Variants in LRCH1 observed in about 807,000 individuals in gnomAD.
LRCH1 encodes the protein leucine-rich repeat and calponin homology domain-containing protein 1.
A neutral mutation model predicts 94.9 loss-of-function variants in LRCH1; 23 were observed. The observed-to-expected ratio is 0.24, with a 90% CI of 0.17 to 0.34. The LOEUF is 0.34. Ranked by LOEUF, LRCH1 falls within the 10% of genes least tolerant of loss-of-function variation. LRCH1 has a pLI of 1.00. For missense variants in LRCH1, 790 were observed against 945.9 expected (o/e 0.84, Z 2.16); for synonymous variants, 364 against 354.9 (o/e 1.03, Z -0.29).
intron 4 of LRCH1, among the ~76,000 whole-genome samples, chr13:46,682,545 T>A (rs970025296): frequency 6.6e-6 from 1 of 152,148 alleles, no homozygotes; most frequent in African/African-American, 2.4e-5. Context: ...AACGTGAAAT[T>A]TCGGGGACAT....
At chr13:46,661,047 A>T (rs1421165865) in intron 2 of LRCH1, among the ~76,000 whole-genome samples, 1 of 152,170 alleles carries the variant, frequency 6.6e-6, no homozygotes, top group Non-Finnish European at 1.5e-5. Context: ...TTTTTACATA[A>T]ATCAATCATT....
At chr13:46,559,190 A>G (rs368310901) in intron 1 of LRCH1, among the ~76,000 whole-genome samples, 3 of 152,366 alleles carry the variant, frequency 2.0e-5, no homozygotes, top group East Asian at 3.9e-4. Context: ...ATGTTTCACT[A>G]TAAATATAAT....
rs1873796235 is a variant in LRCH1, at chr13:46,743,962, C to T, written c.*2114C>T. On this transcript the variant is annotated 3_prime_UTR_variant, in exon 20 of 20. Coordinates refer to ENST00000389797, the MANE Select transcript of LRCH1 (RefSeq NM_001164211.2). ...ATTAATTTGTCTGTACTCTGCTGCG[C>T]TGCACTTCTTGGGATTTATTGGATG... The T allele has an allele frequency of 2.5e-5, 25 of 985,288 alleles. No individual in the cohort carries two copies. Among genetic ancestry groups the T allele is most frequent in the Non-Finnish European group, 2.9e-5 (24 of 829,926 alleles). The allele number at this position is 985,288 out of a possible 1,614,324, so 61.0% of individuals were successfully genotyped here. A position where few individuals can be genotyped will look rare whatever the true frequency, so the allele number is the denominator to read the frequency against.
chr13:46,739,764 A>T (rs1021599894), intron 19 of LRCH1, among the ~76,000 whole-genome samples: 1 of 152,216 alleles, frequency 6.6e-6, no homozygotes. Context: ...AATTTAAATT[A>T]ACCACTATAG....
chr13:46,714,786 AGTT>A (rs1363779515), intron 15 of LRCH1, among the ~76,000 whole-genome samples: 4 of 152,246 alleles, frequency 2.6e-5, no homozygotes, highest in African/African-American at 4.8e-5. Flanking sequence ...CAAAAATAAG[AGTT>A]GTTATCATTT....
At chr13:46,751,657 AG>A (rs1874146548) in exon 19 of LRCH1, 1 of 152,256 alleles carries the variant, frequency 6.6e-6, no homozygotes, top group Non-Finnish European at 1.5e-5. Flanking sequence ...TGTGTCTTGA[AG>A]TATACTTTTG....
intron 1 of LRCH1, among the ~76,000 whole-genome samples, chr13:46,645,879 C>T (rs1487551856): frequency 1.3e-5 from 2 of 152,154 alleles, no homozygotes; most frequent in Non-Finnish European, 2.9e-5. Flanking sequence ...CACATGTATT[C>T]TGTATCTTTT....
chr13:46,739,616 TG>T (rs1188665279), intron 19 of LRCH1, among the ~76,000 whole-genome samples: 2 of 152,182 alleles, frequency 1.3e-5, no homozygotes, highest in Non-Finnish European at 2.9e-5. Context: ...CTGTTGGCTA[TG>T]TGACATAGGG....
intron 2 of LRCH1, among the ~76,000 whole-genome samples, chr13:46,665,593 C>A (rs754001237): frequency 2.0e-5 from 3 of 152,188 alleles, no homozygotes; most frequent in Non-Finnish European, 2.9e-5. Flanking sequence ...AGCCCACTGC[C>A]TTCCCTCTCT....
chr13:46,591,491 G>A (rs571677448), intron 1 of LRCH1, among the ~76,000 whole-genome samples: 6 of 151,980 alleles, frequency 3.9e-5, no homozygotes, highest in African/African-American at 9.7e-5. Flanking sequence ...TTCTGAATAC[G>A]CACTTCATAA....
Position 46,711,797 on chromosome 13 carries a change from A to T in LRCH1, c.1534A>T (p.Ser512Cys). The T allele has an allele frequency of 6.2e-7, 1 of 1,613,000 alleles. No individual in the cohort carries two copies. The highest frequency in any genetic ancestry group is 1.1e-5 in the South Asian group (1 of 90,962). ...TTTGTTCTTCTTTTTTAAGGTGCAA[A>T]GTGATCTAACATTACAGAGTAACGG... is the stretch of plus-strand genomic sequence containing the variant. ...LETSPVCEVQ[S>C]DLTLQSNGSQ... is the part of the protein sequence containing the mutation. Residue 512 changes from serine to cysteine, a missense_variant, in exon 14 of 20, where the codon AGT becomes TGT. Coordinates refer to ENST00000389797, the MANE Select transcript of LRCH1 (RefSeq NM_001164211.2).
intron 9 of LRCH1, among the ~76,000 whole-genome samples, 160 bp from the exon 10 acceptor site, chr13:46,699,176 C>G (rs1388703705): frequency 6.6e-6 from 1 of 152,200 alleles, no homozygotes; most frequent in African/African-American, 2.4e-5. Flanking sequence ...CATGTACATA[C>G]CAGATTTGTT....
intron 3 of LRCH1, among the ~76,000 whole-genome samples, chr13:46,674,733 AT>A (rs1407440333): frequency 1.3e-5 from 2 of 152,272 alleles, no homozygotes; most frequent in African/African-American, 4.8e-5. Context: ...AGTCTTGAAA[AT>A]AAGCTAGCAA....
intron 3 of LRCH1, among the ~76,000 whole-genome samples, chr13:46,673,075 C>T (rs755188507): frequency 7.2e-5 from 11 of 152,052 alleles, no homozygotes; most frequent in African/African-American, 1.9e-4. Context: ...ATAGCCAAAA[C>T]GTTATTACTT....
intron 8 of LRCH1, among the ~76,000 whole-genome samples, chr13:46,694,054 T>A (rs1871050396): frequency 6.6e-6 from 1 of 152,362 alleles, no homozygotes; most frequent in South Asian, 2.1e-4. Context: ...GCTGTATGCT[T>A]TATATACAAA....
chr13:46,611,382 G>A (rs1667118849), intron 1 of LRCH1, among the ~76,000 whole-genome samples: 1 of 152,294 alleles, frequency 6.6e-6, no homozygotes, highest in East Asian at 1.9e-4. Flanking sequence ...CAGCAGGGTG[G>A]TGTTCAAGCA....
At chr13:46,669,624 C>T (rs1011503007) in intron 3 of LRCH1, among the ~76,000 whole-genome samples, 1 of 152,092 alleles carries the variant, frequency 6.6e-6, no homozygotes, top group Non-Finnish European at 1.5e-5. Context: ...TAAAATGTGA[C>T]CGTGTCCCTA....
chr13:46,644,476 A>G (rs1469501255), intron 1 of LRCH1, among the ~76,000 whole-genome samples: 1 of 152,322 alleles, frequency 6.6e-6, no homozygotes, highest in East Asian at 1.9e-4. Context: ...TACATAATTC[A>G]GCAGGGAGTG....
chr13:46,717,309 TA>T, intron 16 of LRCH1: 1 of 152,324 alleles, frequency 6.6e-6, no homozygotes, highest in Non-Finnish European at 1.5e-5. Flanking sequence ...GAAATCTTTC[TA>T]AAAATAAAAT....
Sources: gnomAD v4.1 joint callset for allele counts (sites outside exome capture counted in the v4.1 genomes callset) on GRCh38, gnomAD v4.1.1 for gene constraint, MANE v1.5 for transcripts, NCBI Gene and HGNC (gene_info 2026-07-23, HGNC 2026-07-21) for gene names.